Variants in EIF2AK2 observed in about 807,000 individuals in gnomAD.
EIF2AK2 encodes interferon-induced, double-stranded RNA-activated protein kinase.
In EIF2AK2, 40 loss-of-function variants were observed where a neutral mutation model predicts 70.5. The ratio of observed to expected loss-of-function variants is 0.57; its 90% CI spans 0.44 to 0.74. EIF2AK2 has a LOEUF of 0.74. Ranked by LOEUF, EIF2AK2 falls within the 30% of genes least tolerant of loss-of-function variation. The pLI is 0.00. For missense variants in EIF2AK2, 555 were observed against 644.3 expected (o/e 0.86, Z 1.50); for synonymous variants, 198 against 220.9 (o/e 0.90, Z 0.92).
intron 12 of EIF2AK2, 34 bp downstream of exon 12, chr2:37,122,472 C>A: frequency 6.2e-7 from 1 of 1,603,634 alleles, no homozygotes; most frequent in Non-Finnish European, 8.5e-7. Context: ...TTCCTTCCAT[C>A]CTATTATGGC....
At chr2:37,144,379 A>G (rs1488518922) in intron 4 of EIF2AK2, among the ~76,000 whole-genome samples, 1 of 140,966 alleles carries the variant, frequency 7.1e-6, no homozygotes, top group Non-Finnish European at 1.6e-5. Context: ...AAAAAAAAGT[A>G]AACTGTAAAA....
intron 13 of EIF2AK2, among the ~76,000 whole-genome samples, chr2:37,119,067 G>A (rs1674442712): frequency 6.6e-6 from 1 of 152,096 alleles, no homozygotes; most frequent in Non-Finnish European, 1.5e-5. Flanking sequence ...GATTCAGGAC[G>A]GCCAGCTTGT....
rs936854663 is a variant in EIF2AK2, at chr2:37,154,499, G to A, written c.-184+2409C>T. On this transcript the variant is annotated intron_variant, in intron 1 of 16. Coordinates refer to ENST00000233057, the MANE Select transcript of EIF2AK2 (RefSeq NM_001135651.3). ...TGACTTACAACCAGCATTTGATGGG[G>A]TTGCGCATCCTCTTCGCCCTCCTCT... Among the ~76,000 whole-genome samples the A allele has an allele frequency of 3.3e-5, 5 of 152,018 alleles. No individual in the cohort carries two copies. The South Asian group carries it at 6.2e-4, about 19-fold the overall frequency.
chr2:37,125,062 G>A (rs1388980222), intron 11 of EIF2AK2, among the ~76,000 whole-genome samples: 1 of 151,930 alleles, frequency 6.6e-6, no homozygotes, highest in African/African-American at 2.4e-5. Flanking sequence ...GCCCAGGCTG[G>A]AGTGCAATGG....
At chr2:37,118,621 T>C (rs1047688206) in intron 13 of EIF2AK2, among the ~76,000 whole-genome samples, 1 of 152,236 alleles carries the variant, frequency 6.6e-6, no homozygotes, top group Non-Finnish European at 1.5e-5. Flanking sequence ...AGTGAAAGCA[T>C]AACCAACTCT....
At chr2:37,131,481 C>G (rs1316022894) in intron 10 of EIF2AK2, among the ~76,000 whole-genome samples, 2 of 152,134 alleles carry the variant, frequency 1.3e-5, no homozygotes, top group African/African-American at 4.8e-5. Context: ...ATAAGATATG[C>G]TCAGCCATAA....
At position 37,146,803 on chromosome 2, in the gene EIF2AK2, A is replaced by G. The variant is rs766954496; in HGVS notation, c.240+50T>C. The G allele has an allele frequency of 3.8e-6, 6 of 1,591,680 alleles. No homozygotes were observed. The East Asian group carries it at 9.0e-5, about 24-fold the overall frequency. ...AGTATTTTCTCACAGAGAGAAACAG[A>G]AAATGTATTTGCAAGTTCCCATTTA... On this transcript the variant is annotated intron_variant, in intron 4 of 16. Coordinates refer to ENST00000233057, the MANE Select transcript of EIF2AK2 (RefSeq NM_001135651.3).
intron 2 of EIF2AK2, among the ~76,000 whole-genome samples, 181 bp from the exon 3 acceptor site, chr2:37,148,003 A>G (rs1675615191): frequency 6.6e-6 from 1 of 152,170 alleles, no homozygotes; most frequent in Non-Finnish European, 1.5e-5. Flanking sequence ...TCACTGCACA[A>G]TAAAGTTAAT....
At position 37,120,196 on chromosome 2, in the gene EIF2AK2, A is replaced by T. The variant is rs184179254; in HGVS notation, c.1068-57T>A. Reference sequence around the variant, plus strand: ...AACAATAAATATAAATTTATAAAAAATTTTTTATAACTTTTTAAAGTTTTT... The same window carrying T: ...AACAATAAATATAAATTTATAAAAATTTTTTTATAACTTTTTAAAGTTTTT... On this transcript the variant is annotated intron_variant, in intron 12 of 16. Coordinates refer to ENST00000233057, the MANE Select transcript of EIF2AK2 (RefSeq NM_001135651.3). 1,074 of 1,119,724 alleles carry T rather than the reference A, an allele frequency of 9.6e-4. 10 individuals are homozygous for T. The African/African-American group carries it at 0.012, about 12-fold the overall frequency. 69.4% of individuals were successfully genotyped at this position (1,119,724 alleles called of 1,614,324 possible).
At chr2:37,119,738 C>A (rs4648219) in intron 13 of EIF2AK2, among the ~76,000 whole-genome samples, 5,789 of 151,384 alleles carry the variant, frequency 0.038, 153 homozygotes, top group Non-Finnish European at 0.055. Context: ...ATTACAGGCG[C>A]ACGCCACCAT....
intron 13 of EIF2AK2, among the ~76,000 whole-genome samples, chr2:37,119,112 G>A (rs762393132): frequency 3.9e-5 from 6 of 152,144 alleles, no homozygotes; most frequent in Non-Finnish European, 8.8e-5. Context: ...AATAGGGAAT[G>A]GAGGAAAGGC....
rs368681818 is a variant in EIF2AK2 at position 37,111,070 on chromosome 2, G to A, written c.1378-1775C>T. 9.8e-5 allele frequency among the ~76,000 whole-genome samples: 15 copies of A among 152,330 alleles called. No homozygotes were observed. The East Asian group carries it at 2.5e-3, about 25-fold the overall frequency. On this transcript the variant is annotated intron_variant, in intron 14 of 16. Transcript: ENST00000233057. ...AGTAACAAAAGGGTAAATACCGTAC[G>A]ATTCCACTTACATGAGGCATCTAGA...
intron 9 of EIF2AK2, among the ~76,000 whole-genome samples, chr2:37,136,432 A>G (rs1418918619): frequency 2.0e-5 from 3 of 152,136 alleles, no homozygotes; most frequent in African/African-American, 7.2e-5. Context: ...GGCTGAGGGC[A>G]CCTCATGTGC....
chr2:37,143,906 C>T (rs954200859), intron 4 of EIF2AK2, among the ~76,000 whole-genome samples: 2 of 151,742 alleles, frequency 1.3e-5, no homozygotes, highest in Non-Finnish European at 2.9e-5. Context: ...ACAACAACAA[C>T]AAAAAAACTA....
intron 1 of EIF2AK2, among the ~76,000 whole-genome samples, chr2:37,154,558 T>C (rs1675856218): frequency 1.3e-5 from 2 of 151,794 alleles, no homozygotes; most frequent in Admixed American, 6.6e-5. Context: ...AGACACCCAC[T>C]CTCCTAGTTT....
At chr2:37,146,191 G>C (rs1164050588) in intron 4 of EIF2AK2, among the ~76,000 whole-genome samples, 1 of 152,186 alleles carries the variant, frequency 6.6e-6, no homozygotes, top group African/African-American at 2.4e-5. Flanking sequence ...TAGTCTAGGA[G>C]CAATAAGCTA....
chr2:37,100,675 A>T lies in EIF2AK2; in HGVS notation c.*6598T>A, dbSNP rs1178599903. The stretch of plus-strand genomic sequence containing the variant: ...AGGCCTGGATGGCCGTTTAGAGAGA[A>T]AGAGTTAACATTTCAGTGGAGACCT... On this transcript the variant is annotated 3_prime_UTR_variant, in exon 17 of 17. Transcript: ENST00000233057. 1.3e-5 allele frequency: 2 copies of T among 152,178 alleles called. No homozygotes were observed. 9.4% of individuals were successfully genotyped at this position (152,178 alleles called of 1,614,324 possible).
chr2:37,111,874 A>T (rs1414243658), intron 14 of EIF2AK2, among the ~76,000 whole-genome samples: 2 of 43,262 alleles, frequency 4.6e-5, no homozygotes, highest in Non-Finnish European at 1.0e-4. Flanking sequence ...AAAAAAAAAA[A>T]AAAAATATAT....
At chr2:37,137,710 G>A (rs1675176063) in intron 8 of EIF2AK2, among the ~76,000 whole-genome samples, 1 of 152,140 alleles carries the variant, frequency 6.6e-6, no homozygotes, top group Admixed American at 6.6e-5. Context: ...CCCATTGGTA[G>A]GAGAGAAAAG....
Sources: allele counts gnomAD v4.1 joint callset (sites outside exome capture counted in the v4.1 genomes callset), GRCh38; gene constraint gnomAD v4.1.1; transcripts MANE v1.5; gene names NCBI Gene and HGNC (gene_info 2026-07-23, HGNC 2026-07-21).